Variants in KCNMB2 observed in about 807,000 individuals in gnomAD.
KCNMB2 encodes potassium calcium-activated channel subfamily M regulatory beta subunit 2, also known as calcium-activated potassium channel subunit beta-2.
In KCNMB2, 9 loss-of-function variants were observed where a neutral mutation model predicts 24.5. The observed-to-expected ratio is 0.37, with a 90% confidence interval of 0.22 to 0.64. The LOEUF (loss-of-function observed/expected upper bound fraction) is 0.64. KCNMB2 is among the 30% of genes least tolerant of loss of function. KCNMB2 has a pLI of 0.63. For missense variants in KCNMB2, 226 were observed against 284.3 expected (o/e 0.79, Z 1.47); for synonymous variants, 109 against 104.4 (o/e 1.04, Z -0.27).
At chr3:178,759,498 G>GAT (rs1331909284) in intron 1 of KCNMB2, among the ~76,000 whole-genome samples, 2 of 81,420 alleles carry the variant, frequency 2.5e-5, no homozygotes, top group African/African-American at 5.1e-5. Flanking sequence ...TCTCCAAGAG[G>GAT]ATATATATAT....
At chr3:178,556,054 A>T (rs147016963) in intron 1 of KCNMB2, among the ~76,000 whole-genome samples, 129 of 152,362 alleles carry the variant, frequency 8.5e-4, no homozygotes, top group African/African-American at 2.8e-3. Flanking sequence ...TAAATAGGAA[A>T]AAGAAGAGTG....
intron 1 of KCNMB2, among the ~76,000 whole-genome samples, chr3:178,770,982 G>C (rs1712326923): frequency 6.6e-6 from 1 of 152,166 alleles, no homozygotes; most frequent in Admixed American, 6.5e-5. Context: ...AAGTCCAACA[G>C]ATACTCTCAG....
At chr3:178,739,606 T>A (rs142905149) in intron 1 of KCNMB2, among the ~76,000 whole-genome samples, 101 of 152,326 alleles carry the variant, frequency 6.6e-4, no homozygotes, top group Middle Eastern at 3.4e-3. Context: ...GATTGTTGAA[T>A]ATAGTTTCTG....
chr3:178,614,247 TTATATATATATATATATATATATATA>T (rs776751246), intron 1 of KCNMB2, among the ~76,000 whole-genome samples: 3,395 of 53,480 alleles, frequency 0.063, 363 homozygotes, highest in African/African-American at 0.21. Flanking sequence ...TGGGCTAATT[TTATATATATATATATATATATATATA>T]TATATATATA....
intron 1 of KCNMB2, among the ~76,000 whole-genome samples, chr3:178,540,896 T>G (rs1314700427): frequency 6.6e-6 from 1 of 152,248 alleles, no homozygotes; most frequent in African/African-American, 2.4e-5. Context: ...GCAGGAATTT[T>G]TATTTACTTT....
At chr3:178,663,460 G>T (rs1303903955) in intron 1 of KCNMB2, among the ~76,000 whole-genome samples, 1 of 152,016 alleles carries the variant, frequency 6.6e-6, no homozygotes, top group Non-Finnish European at 1.5e-5. Flanking sequence ...CATGATGTCG[G>T]TTTCTCTTTT....
At chr3:178,561,774 G>A (rs934767183) in intron 1 of KCNMB2, among the ~76,000 whole-genome samples, 4 of 152,166 alleles carry the variant, frequency 2.6e-5, no homozygotes, top group African/African-American at 7.2e-5. Context: ...CAACTATAGT[G>A]TATGTGCAAG....
At chr3:178,540,470 G>A (rs184740063) in intron 1 of KCNMB2, among the ~76,000 whole-genome samples, 111 of 152,318 alleles carry the variant, frequency 7.3e-4, no homozygotes, top group African/African-American at 2.6e-3. Flanking sequence ...CTGTATGACT[G>A]CAGACAGAAG....
chr3:178,783,707 T>C (rs966921609), intron 1 of KCNMB2, among the ~76,000 whole-genome samples: 4 of 151,750 alleles, frequency 2.6e-5, no homozygotes, highest in Admixed American at 6.6e-5. Context: ...GACAATGGGG[T>C]TTTCTAGATA....
intron 1 of KCNMB2, among the ~76,000 whole-genome samples, chr3:178,608,516 T>C (rs1239899777): frequency 6.6e-6 from 1 of 152,222 alleles, no homozygotes; most frequent in Admixed American, 6.5e-5. Context: ...TCAAAGTATT[T>C]ATCCATTGAG....
At chr3:178,790,820 A>C (rs2108439986) in intron 1 of KCNMB2, among the ~76,000 whole-genome samples, 1 of 152,320 alleles carries the variant, frequency 6.6e-6, no homozygotes. Flanking sequence ...TCTGCCTGGT[A>C]ATCCAGGGAC....
intron 1 of KCNMB2, among the ~76,000 whole-genome samples, chr3:178,681,475 C>G (rs530375417): frequency 6.6e-4 from 101 of 152,280 alleles, no homozygotes; most frequent in African/African-American, 2.2e-3. Flanking sequence ...GTTTTCAAGT[C>G]AGGTATGGCA....
chr3:178,695,818 C>T (rs1721854208), intron 1 of KCNMB2, among the ~76,000 whole-genome samples: 1 of 152,202 alleles, frequency 6.6e-6, no homozygotes, highest in Non-Finnish European at 1.5e-5. Context: ...GAGTTCCAAA[C>T]TTTCCCACAT....
At chr3:178,823,219 A>C (rs1714701091) in intron 2 of KCNMB2, among the ~76,000 whole-genome samples, 1 of 152,210 alleles carries the variant, frequency 6.6e-6, no homozygotes, top group Admixed American at 6.5e-5. Context: ...ATGAAGAAAC[A>C]CAGAGGGTGG....
intron 1 of KCNMB2, among the ~76,000 whole-genome samples, chr3:178,689,536 T>C (rs902273439): frequency 6.6e-6 from 1 of 152,068 alleles, no homozygotes; most frequent in African/African-American, 2.4e-5. Flanking sequence ...CTCAGGAGGC[T>C]GAGGCAAGAG....
chr3:178,762,797 T>C (rs901480685), intron 1 of KCNMB2, among the ~76,000 whole-genome samples: 11 of 148,888 alleles, frequency 7.4e-5, no homozygotes, highest in Non-Finnish European at 3.0e-5. Flanking sequence ...AAAGTTATTA[T>C]AAAATTTTAG....
intron 2 of KCNMB2, among the ~76,000 whole-genome samples, chr3:178,822,092 C>G (rs916491103): frequency 3.3e-5 from 5 of 152,142 alleles, no homozygotes; most frequent in African/African-American, 4.8e-5. Flanking sequence ...CTTACAAAAC[C>G]CTTCATGGCC....
In KCNMB2 at chr3:178,621,257, A is replaced by T. The variant is rs151269780; in HGVS notation, c.-68+84546A>T. Among the ~76,000 whole-genome samples the T allele has an allele frequency of 8.1e-3, 1,219 of 151,256 alleles. 13 individuals carry two copies. The highest frequency in any genetic ancestry group is 0.028 in the African/African-American group (1,154 of 41,204). On this transcript the variant is annotated intron_variant, in intron 1 of 4. Transcript: ENST00000452583. ...AGTTCCTCTTCTGCCTCTCCAACCA[A>T]CCCCCTAATTCCTGCTCCTCTTATT...
At chr3:178,628,568 G>C (rs1034368509) in intron 1 of KCNMB2, among the ~76,000 whole-genome samples, 9 of 152,278 alleles carry the variant, frequency 5.9e-5, no homozygotes, top group African/African-American at 2.2e-4. Context: ...TACAGAAAAT[G>C]ATGGGGCTTT....
Sources: gnomAD v4.1 joint callset for allele counts (sites outside exome capture counted in the v4.1 genomes callset) on GRCh38, gnomAD v4.1.1 for gene constraint, MANE v1.5 for transcripts, NCBI Gene and HGNC (gene_info 2026-07-23, HGNC 2026-07-21) for gene names.